VASH1: variants seen among roughly 807,000 people sequenced by gnomAD.
VASH1 encodes tubulinyl-Tyr carboxypeptidase 1.
VASH1 carries 16 observed loss-of-function variants against 35.0 expected under a neutral mutation model. The ratio of observed to expected loss-of-function variants is 0.46; its 90% CI spans 0.31 to 0.70. The LOEUF is 0.70. Ranked by LOEUF, VASH1 falls within the 30% of genes least tolerant of loss-of-function variation. The pLI, the probability that VASH1 is intolerant of heterozygous loss-of-function variation, is 0.05. For synonymous variants in VASH1, 214 were observed against 200.9 expected, an observed-to-expected ratio of 1.07 and a Z score of -0.55; for missense variants, 505 against 510.7, an observed-to-expected ratio of 0.99 and a Z score of 0.11.
intron 1 of VASH1, among the ~76,000 whole-genome samples, 189 bp downstream of exon 1, chr14:76,763,319 T>A (rs1893556945): frequency 6.6e-6 from 1 of 152,204 alleles, no homozygotes; most frequent in Non-Finnish European, 1.5e-5. Flanking sequence ...GAGGCTCACA[T>A]ACATTGTCTC....
intron 4 of VASH1, among the ~76,000 whole-genome samples, chr14:76,775,343 G>A (rs1051474645): frequency 6.6e-6 from 1 of 152,098 alleles, no homozygotes; most frequent in African/African-American, 2.4e-5. Flanking sequence ...GTGAGCAGGT[G>A]GGGCAGAGGT....
rs1237043966 is a variant in VASH1, at chr14:76,771,181, T to C, written c.399-9T>C. On this transcript the variant is annotated splice_polypyrimidine_tract_variant and intron_variant, in intron 2 of 6. Coordinates refer to ENST00000167106, the MANE Select transcript of VASH1 (RefSeq NM_014909.5). ...GCCAAGCTAGGAAGCCCTTAACCCG[T>C]GCCCACAGGTACAATCACACAGGGA... The C allele has an allele frequency of 6.3e-6, 10 of 1,588,226 alleles. No individual in the cohort carries two copies. The African/African-American group carries it at 1.4e-4, about 22-fold the overall frequency.
At chr14:76,778,153 ATC>A (rs1893999110) in intron 6 of VASH1, 82 bp downstream of exon 6, 2 of 929,732 alleles carry the variant, frequency 2.2e-6, no homozygotes, top group Non-Finnish European at 1.5e-6. Flanking sequence ...TTTTTTTTTT[ATC>A]TCTCTCCCAC....
chr14:76,779,019 G>T lies in VASH1; in HGVS notation c.*1G>T. On this transcript the variant is annotated 3_prime_UTR_variant, in exon 7 of 7. Transcript: ENST00000167106. ...TAACGGGTACCAGATCCGGGTCTGAGGCGGATGCCAGCACCCCAGGCCCCA... is the reference window on the plus strand; with the variant it reads ...TAACGGGTACCAGATCCGGGTCTGATGCGGATGCCAGCACCCCAGGCCCCA... 6.2e-7 allele frequency: 1 copy of T among 1,613,972 alleles called. No homozygotes were observed. Among genetic ancestry groups the T allele is most frequent in the East Asian group, 2.2e-5 (1 of 44,892 alleles).
intron 2 of VASH1, among the ~76,000 whole-genome samples, chr14:76,770,649 A>T (rs117744784): frequency 0.054 from 8,214 of 151,934 alleles, 330 homozygotes; most frequent in Middle Eastern, 0.17. Flanking sequence ...ACCCTGCCCC[A>T]GAGCTGTGTG....
At chr14:76,777,012 A>G (rs1893964284) in intron 5 of VASH1, among the ~76,000 whole-genome samples, 2 of 152,248 alleles carry the variant, frequency 1.3e-5, no homozygotes, top group Non-Finnish European at 1.5e-5. Context: ...CTCCATTTTC[A>G]GGGTTGGAAG....
chr14:76,782,636 T>G lies in VASH1; in HGVS notation c.*3618T>G, dbSNP rs994512387. 3.3e-5 allele frequency: 5 copies of G among 152,390 alleles called. No homozygotes were observed. The highest frequency in any genetic ancestry group is 1.2e-4 in the African/African-American group (5 of 41,466). 9.4% of individuals were successfully genotyped at this position (152,390 alleles called of 1,614,324 possible). ...TGAAGGAGTGGGGAGGTGGGCAGTC[T>G]GCCCCCGCCAGGTACCATCGCCTCC... On this transcript the variant is annotated 3_prime_UTR_variant, in exon 7 of 7. Coordinates refer to ENST00000167106, the MANE Select transcript of VASH1 (RefSeq NM_014909.5).
intron 1 of VASH1, chr14:76,769,492 T>C: frequency 1.6e-6 from 2 of 1,288,640 alleles, no homozygotes; most frequent in Non-Finnish European, 2.0e-6. Context: ...CTACCAAGGA[T>C]GCTCACCCCC....
chr14:76,761,543 G>C lies in VASH1; in HGVS notation c.-1279G>C, dbSNP rs1041515773. On this transcript the variant is annotated 5_prime_UTR_variant, in exon 1 of 7. Coordinates refer to ENST00000167106, the MANE Select transcript of VASH1 (RefSeq NM_014909.5). ...GGCGGCAGCGGGGCCCAGGGGCGGC[G>C]GGGCTGCAGCAGCGGCGGCCCCAGC... Among the ~76,000 whole-genome samples, 32 of 152,140 alleles carry C rather than the reference G, an allele frequency of 2.1e-4. No homozygotes were observed. Among genetic ancestry groups the C allele is most frequent in the Admixed American group, 1.6e-3 (25 of 15,272 alleles).
chr14:76,776,918 T>C (rs1247885004), intron 5 of VASH1, among the ~76,000 whole-genome samples: 1 of 149,436 alleles, frequency 6.7e-6, no homozygotes, highest in African/African-American at 2.5e-5. Flanking sequence ...GCCTGGAGCC[T>C]CCGCCTCAAC....
intron 6 of VASH1, among the ~76,000 whole-genome samples, chr14:76,778,292 ACT>A (rs1894003843): frequency 6.6e-6 from 1 of 152,114 alleles, no homozygotes; most frequent in Non-Finnish European, 1.5e-5. Context: ...CTGCTAGCCC[ACT>A]AGTCTGAGCA....
chr14:76,778,031 C>G lies in VASH1; in HGVS notation c.985C>G (p.Gln329Glu), dbSNP rs1163411536. Reference sequence around the variant, plus strand: ...GGATGTTTCTTCCCCGCAGCGGGCCCAGTCCAGCCCCCACCGCAGGAACAG... The same window carrying G: ...GGATGTTTCTTCCCCGCAGCGGGCCGAGTCCAGCCCCCACCGCAGGAACAG... ...KKDVSSPQRA[Q>E]SSPHRRNSRS... is the part of the protein sequence containing the mutation. Residue 329 changes from glutamine to glutamate, a missense_variant, in exon 6 of 7, where the codon CAG becomes GAG. Coordinates refer to ENST00000167106, the MANE Select transcript of VASH1 (RefSeq NM_014909.5). The G allele has an allele frequency of 6.5e-7, 1 of 1,529,716 alleles. No homozygotes were observed. Among genetic ancestry groups the G allele is most frequent in the Non-Finnish European group, 8.8e-7 (1 of 1,139,028 alleles). The allele number at this position is 1,529,716 out of a possible 1,614,324, so 94.8% of individuals were successfully genotyped here. A position where few individuals can be genotyped will look rare whatever the true frequency, so the allele number is the denominator to read the frequency against.
Position 76,776,056 on chromosome 14 carries a change from C to T in VASH1, c.695C>T (p.Ala232Val), listed in dbSNP as rs751503139. Residue 232 changes from alanine to valine, a missense_variant, in exon 5 of 7, where the codon GCC becomes GTC. Transcript: ENST00000167106. ...GAGGACCTGATGTACAAGCCGCCCGCCTTCCGCACGCTCAGCGAGCTCGTG... is the reference window on the plus strand; with the variant it reads ...GAGGACCTGATGTACAAGCCGCCCGTCTTCCGCACGCTCAGCGAGCTCGTG... ...RREDLMYKPP[A>V]FRTLSELVLD... 2 of 1,610,516 alleles carry T rather than the reference C, an allele frequency of 1.2e-6. No individual in the cohort carries two copies. The highest frequency in any genetic ancestry group is 2.2e-5 in the East Asian group (1 of 44,838).
Position 76,761,598 on chromosome 14 carries a change from T to TCTCGTTGGCGGGCTC in VASH1, c.-1222_-1208dup, listed in dbSNP as rs1473717839. On this transcript the variant is annotated 5_prime_UTR_variant, in exon 1 of 7. Transcript: ENST00000167106. ...CCGAGCAGCGATCGGCTGGTGGGCT[T>TCTCGTTGGCGGGCTC]CTCGTTGGCGGGCTCCGCGTTGGCG... is the stretch of plus-strand genomic sequence containing the variant. 6.6e-6 allele frequency among the ~76,000 whole-genome samples: 1 copy of TCTCGTTGGCGGGCTC among 151,890 alleles called. No homozygotes were observed. Among genetic ancestry groups the TCTCGTTGGCGGGCTC allele is most frequent in the Non-Finnish European group, 1.5e-5 (1 of 67,926 alleles).
chr14:76,779,309 G>A lies in VASH1; in HGVS notation c.*291G>A, dbSNP rs1407120137. 4 of 702,418 alleles carry A rather than the reference G, an allele frequency of 5.7e-6. No homozygotes were observed. In the Admixed American group the frequency reaches 6.0e-5, roughly 11 times the overall value. 43.5% of individuals were successfully genotyped at this position (702,418 alleles called of 1,614,324 possible). ...AAATGGATCTGCTGATGGTGGGAAG[G>A]CCAGTGCTTAACAAATCCATGTGTC... On this transcript the variant is annotated 3_prime_UTR_variant, in exon 7 of 7. Transcript: ENST00000167106.
chr14:76,774,365 G>C (rs989819131), intron 4 of VASH1: 1 of 152,282 alleles, frequency 6.6e-6, no homozygotes, highest in African/African-American at 2.4e-5. Flanking sequence ...GAGGCCACCC[G>C]AGAAATTCAG....
intron 1 of VASH1, among the ~76,000 whole-genome samples, chr14:76,768,475 G>A (rs577630224): frequency 1.6e-4 from 24 of 152,230 alleles, no homozygotes; most frequent in African/African-American, 4.8e-4. Flanking sequence ...TGCAGGCGAC[G>A]CTGTGGCCCT....
chr14:76,769,471 G>T lies in VASH1; in HGVS notation c.310-492G>T, dbSNP rs751720607. On this transcript the variant is annotated intron_variant, in intron 1 of 6. Coordinates refer to ENST00000167106, the MANE Select transcript of VASH1 (RefSeq NM_014909.5). Reference sequence around the variant, plus strand: ...GCATGGCGAATATGCCCATGATACTGGGTGGGTCCCCTACCAAGGATGCTC... The same window carrying T: ...GCATGGCGAATATGCCCATGATACTTGGTGGGTCCCCTACCAAGGATGCTC... The T allele has an allele frequency of 3.1e-6, 4 of 1,288,844 alleles. No homozygotes were observed. In the African/African-American group the frequency reaches 6.1e-5, roughly 20 times the overall value. 79.8% of individuals were successfully genotyped at this position (1,288,844 alleles called of 1,614,324 possible).
chr14:76,778,029 C>T lies in VASH1; in HGVS notation c.983C>T (p.Ala328Val). 6.5e-7 allele frequency: 1 copy of T among 1,529,140 alleles called. No homozygotes were observed. 94.7% of individuals were successfully genotyped at this position (1,529,140 alleles called of 1,614,324 possible). Residue 328 changes from alanine to valine, a missense_variant, in exon 6 of 7, where the codon GCC becomes GTC. Coordinates refer to ENST00000167106, the MANE Select transcript of VASH1 (RefSeq NM_014909.5). ...RKKDVSSPQR[A>V]QSSPHRRNSR... ...AAGGATGTTTCTTCCCCGCAGCGGG[C>T]CCAGTCCAGCCCCCACCGCAGGAAC...
Sources: gnomAD v4.1 joint callset for allele counts (sites outside exome capture counted in the v4.1 genomes callset) on GRCh38, gnomAD v4.1.1 for gene constraint, MANE v1.5 for transcripts, NCBI Gene and HGNC (gene_info 2026-07-23, HGNC 2026-07-21) for gene names.